The following TGFBR3 variants were observed in gnomAD, a reference collection of about 807,000 sequenced individuals.
TGFBR3 encodes transforming growth factor beta receptor type 3.
Under a neutral mutation model 87.9 loss-of-function variants are expected in TGFBR3, and 46 were observed. That is an observed-to-expected ratio of 0.52 (90% CI 0.41 to 0.67). The LOEUF (loss-of-function observed/expected upper bound fraction) is 0.67. Ranked by LOEUF, TGFBR3 falls within the 30% of genes least tolerant of loss-of-function variation. The pLI is 0.00. For missense variants in TGFBR3, 866 were observed against 1,041.9 expected (o/e 0.83, Z 2.32); for synonymous variants, 381 against 391.6 (o/e 0.97, Z 0.32).
At chr1:91,857,536 G>A (rs570840125) in intron 2 of TGFBR3, among the ~76,000 whole-genome samples, 3 of 152,166 alleles carry the variant, frequency 2.0e-5, no homozygotes, top group Middle Eastern at 3.4e-3. Context: ...GCTTCCCCTC[G>A]TGACCCCTCT....
At chr1:91,701,678 A>G (rs1257271171) in intron 14 of TGFBR3, among the ~76,000 whole-genome samples, 1 of 152,162 alleles carries the variant, frequency 6.6e-6, no homozygotes, top group African/African-American at 2.4e-5. Context: ...GTAACTGACC[A>G]CAGCTTTTGG....
chr1:91,795,460 T>C (rs902367923), intron 3 of TGFBR3, among the ~76,000 whole-genome samples: 1 of 152,218 alleles, frequency 6.6e-6, no homozygotes. Context: ...AATAACATAG[T>C]AACCAAGTGC....
At chr1:91,828,155 G>A (rs991698970) in intron 2 of TGFBR3, among the ~76,000 whole-genome samples, 7 of 152,062 alleles carry the variant, frequency 4.6e-5, no homozygotes, top group Admixed American at 1.3e-4. Flanking sequence ...AAGATAACTC[G>A]TCATGATCGC....
At chr1:91,839,358 A>G (rs1291424838) in intron 2 of TGFBR3, among the ~76,000 whole-genome samples, 1 of 152,182 alleles carries the variant, frequency 6.6e-6, no homozygotes, top group Non-Finnish European at 1.5e-5. Flanking sequence ...TCATTTCTTA[A>G]GTTTAGTTGC....
Position 91,681,164 on chromosome 1 carries a change from A to G in TGFBR3, c.*2575T>C, listed in dbSNP as rs1455980052. 4.4e-6 allele frequency: 2 copies of G among 454,132 alleles called. No individual in the cohort carries two copies. 28.1% of individuals were successfully genotyped at this position (454,132 alleles called of 1,614,324 possible). ...AACTTGTAGTACACGTTATAAAAGT[A>G]GAGCTTGTACTTTGTATTAAAACTG... is the stretch of plus-strand genomic sequence containing the variant. On this transcript the variant is annotated 3_prime_UTR_variant, in exon 17 of 17. Transcript: ENST00000212355.
chr1:91,735,131 C>T (rs1672918785), intron 4 of TGFBR3, among the ~76,000 whole-genome samples, 172 bp from the exon 5 acceptor site: 3 of 152,216 alleles, frequency 2.0e-5, no homozygotes, highest in Admixed American at 6.5e-5. Context: ...CAAGCCTAGT[C>T]CTCCCAGACA....
chr1:91,862,603 C>A (rs1377332036), intron 1 of TGFBR3, among the ~76,000 whole-genome samples: 2 of 152,110 alleles, frequency 1.3e-5, no homozygotes, highest in Non-Finnish European at 2.9e-5. Flanking sequence ...CTTGAATATT[C>A]CTCACACGGC....
At chr1:91,899,210 C>T (rs1043964645) in intron 2 of TGFBR3, among the ~76,000 whole-genome samples, 17 of 152,098 alleles carry the variant, frequency 1.1e-4, no homozygotes, top group Non-Finnish European at 2.4e-4. Flanking sequence ...TTAATTATTC[C>T]ACAATGTATA....
intron 2 of TGFBR3, among the ~76,000 whole-genome samples, chr1:91,806,542 G>A (rs1675840767): frequency 6.6e-6 from 1 of 152,102 alleles, no homozygotes; most frequent in Admixed American, 6.5e-5. Flanking sequence ...TGATCCTCAA[G>A]CATTCTAAAT....
At chr1:91,849,942 C>A (rs1677656294) in intron 2 of TGFBR3, among the ~76,000 whole-genome samples, 1 of 151,888 alleles carries the variant, frequency 6.6e-6, no homozygotes, top group Non-Finnish European at 1.5e-5. Context: ...ATTAGCCGGG[C>A]ATGGTGGCGG....
At chr1:91,711,874 A>C (rs1671994469) in intron 13 of TGFBR3, among the ~76,000 whole-genome samples, 1 of 152,258 alleles carries the variant, frequency 6.6e-6, no homozygotes, top group African/African-American at 2.4e-5. Flanking sequence ...TGACAATGCC[A>C]GTCCCAGCAG....
At chr1:91,718,071 T>C (rs1672238583) in intron 10 of TGFBR3, among the ~76,000 whole-genome samples, 1 of 152,084 alleles carries the variant, frequency 6.6e-6, no homozygotes, top group African/African-American at 2.4e-5. Context: ...AATTAATTAT[T>C]TGAGTAACAA....
chr1:91,751,431 G>A (rs1235665853), intron 4 of TGFBR3, among the ~76,000 whole-genome samples: 2 of 152,140 alleles, frequency 1.3e-5, no homozygotes, highest in East Asian at 3.9e-4. Context: ...CCTTCCTAGT[G>A]CTGCACTGAG....
chr1:91,864,465 G>A (rs374163416), intron 1 of TGFBR3, among the ~76,000 whole-genome samples: 1 of 152,338 alleles, frequency 6.6e-6, no homozygotes, highest in African/African-American at 2.4e-5. Flanking sequence ...GGAAGTCCTG[G>A]ACAAGTTGAA....
chr1:91,798,503 G>GCT (rs900896540), intron 2 of TGFBR3, among the ~76,000 whole-genome samples: 1 of 152,076 alleles, frequency 6.6e-6, no homozygotes, highest in African/African-American at 2.4e-5. Context: ...ATTCAAGCCT[G>GCT]CTTCCTTTAC....
intron 13 of TGFBR3, among the ~76,000 whole-genome samples, chr1:91,710,809 C>G (rs2100756396): frequency 6.6e-6 from 1 of 152,316 alleles, no homozygotes; most frequent in Admixed American, 6.5e-5. Context: ...TTGGTGGCAG[C>G]AGAGCTTCCT....
chr1:91,800,629 A>AT (rs1180626941), intron 2 of TGFBR3, among the ~76,000 whole-genome samples: 1 of 151,544 alleles, frequency 6.6e-6, no homozygotes, highest in African/African-American at 2.4e-5. Flanking sequence ...TCCTCATAGA[A>AT]TTTTTTTCCC....
chr1:91,702,368 C>T lies in TGFBR3; in HGVS notation c.2288-4238G>A, dbSNP rs542040809. 7.9e-5 allele frequency among the ~76,000 whole-genome samples: 12 copies of T among 152,236 alleles called. No homozygotes were observed. In the South Asian group the frequency reaches 1.7e-3, roughly 21 times the overall value. On this transcript the variant is annotated intron_variant, in intron 14 of 16. Coordinates refer to ENST00000212355, the MANE Select transcript of TGFBR3 (RefSeq NM_003243.5). ...TAGCCTTCCTAAATGACCTAATCGCCGGGCGCGGTGGCTCACACCTGTAAT... is the reference window on the plus strand; with the variant it reads ...TAGCCTTCCTAAATGACCTAATCGCTGGGCGCGGTGGCTCACACCTGTAAT...
At chr1:91,812,074 C>G (rs1311234035) in intron 2 of TGFBR3, among the ~76,000 whole-genome samples, 1 of 152,128 alleles carries the variant, frequency 6.6e-6, no homozygotes, top group South Asian at 2.1e-4. Context: ...CACCTTTCTC[C>G]CATGGAGACA....
Sources: allele counts gnomAD v4.1 joint callset (sites outside exome capture counted in the v4.1 genomes callset), GRCh38; gene constraint gnomAD v4.1.1; transcripts MANE v1.5; gene names NCBI Gene and HGNC (gene_info 2026-07-23, HGNC 2026-07-21).